MYO7B: variants seen among roughly 807,000 people sequenced by gnomAD.
The protein encoded by MYO7B is myosin VIIB.
In MYO7B, 212 loss-of-function variants were observed where a neutral mutation model predicts 259.7. The observed-to-expected ratio is 0.82, with a 90% CI of 0.73 to 0.91. The LOEUF (loss-of-function observed/expected upper bound fraction) is 0.91. Among genes scored for constraint, MYO7B ranks in the 40% least tolerant of loss-of-function variants. MYO7B has a pLI of 0.00. For synonymous variants in MYO7B, 1,197 were observed against 1,166.4 expected, an observed-to-expected ratio of 1.03 and a Z score of -0.54; for missense variants, 2,732 against 2,813.5, an observed-to-expected ratio of 0.97 and a Z score of 0.66.
At position 127,566,826 on chromosome 2, in the gene MYO7B, A is replaced by G; in HGVS notation, c.469A>G (p.Ser157Gly). 6.2e-7 allele frequency: 1 copy of G among 1,607,566 alleles called. No homozygotes were observed. The change falls in exon 5 of 48, where the codon AGC becomes GGC. Residue 157 changes from serine to glycine, a missense_variant and splice_region_variant. Around this residue, in one of 3 missense-constraint regions of MYO7B, gnomAD observed 1,906 missense variants for 2,026.4 expected, o/e 0.94. Transcript: ENST00000409816. The part of the protein sequence containing the change: ...RNKRDQCCII[S>G]GESGAGKTET... ...CAAGAGGGACCAGTGCTGCATCATCAGGTGAGGCAGAGGGGTCAGGCACCA... is the reference window on the plus strand; with the variant it reads ...CAAGAGGGACCAGTGCTGCATCATCGGGTGAGGCAGAGGGGTCAGGCACCA...
At position 127,628,197 on chromosome 2, in the gene MYO7B, C is replaced by T. The variant is rs752281108; in HGVS notation, c.4461-175C>T. On this transcript the variant is annotated intron_variant, in intron 33 of 47. Transcript: ENST00000409816. This position sits in a 1 kb window ranked among gnomAD's most constrained non-coding sequence, Gnocchi z 4.8. ...GCCTCCGAGAGGTCCTGTGCTCCGC[C>T]GTCCTTCATTTGTCCAGACCCACAG... The T allele has an allele frequency of 4.8e-5, 38 of 787,924 alleles. No individual in the cohort carries two copies. The highest frequency in any genetic ancestry group is 2.6e-4 in the South Asian group (18 of 68,498). The allele number at this position is 787,924 out of a possible 1,614,324, so 48.8% of individuals were successfully genotyped here.
intron 1 of MYO7B, among the ~76,000 whole-genome samples, chr2:127,554,223 T>C (rs1693554937): frequency 6.6e-6 from 1 of 152,088 alleles, no homozygotes; most frequent in Non-Finnish European, 1.5e-5. Flanking sequence ...TACAGGCGTG[T>C]GCCACCATGT....
chr2:127,636,031 C>T lies in MYO7B; in HGVS notation c.6006+124C>T. On this transcript the variant is annotated intron_variant, in intron 44 of 47. Transcript: ENST00000409816. This position sits in a 1 kb window ranked among gnomAD's most constrained non-coding sequence, Gnocchi z 4.5. ...GCACATGGGTGGTGTGGAGGGTGGG[C>T]TGGCTCTGCACACACCACGCCTTCC... 1 of 1,281,626 alleles carries T rather than the reference C, an allele frequency of 7.8e-7. No individual in the cohort carries two copies. Among genetic ancestry groups the T allele is most frequent in the Non-Finnish European group, 1.1e-6 (1 of 930,770 alleles). The allele number at this position is 1,281,626 out of a possible 1,614,324, so 79.4% of individuals were successfully genotyped here.
chr2:127,569,121 T>C (rs998648077), intron 5 of MYO7B, among the ~76,000 whole-genome samples: 3 of 142,972 alleles, frequency 2.1e-5, no homozygotes, highest in African/African-American at 8.1e-5. Flanking sequence ...GGCATGAGAA[T>C]CACTTGCACC....
chr2:127,603,109 C>T (rs533714621), intron 19 of MYO7B, among the ~76,000 whole-genome samples: 3 of 152,334 alleles, frequency 2.0e-5, no homozygotes, highest in Admixed American at 6.5e-5. Flanking sequence ...TTGCTATTCC[C>T]GCTACATATG....
intron 27 of MYO7B, among the ~76,000 whole-genome samples, chr2:127,621,460 C>T (rs139823420): frequency 2.0e-5 from 3 of 152,228 alleles, no homozygotes; most frequent in African/African-American, 7.2e-5. Flanking sequence ...GGGGTTTCAC[C>T]ATGTTGGCCA....
In MYO7B at chr2:127,539,682, T is replaced by TA. The variant is rs34553127; in HGVS notation, c.-24+3862dup. On this transcript the variant is annotated intron_variant, in intron 1 of 47. Transcript: ENST00000409816. The surrounding 1 kb of genome is among the most constrained non-coding windows in gnomAD (Gnocchi z 4.0). ...GGACTTCCTTGAGGGCTATTTCTTT[T>TA]AAAAAAAAAAACTCCATAGTTTTTA... Among the ~76,000 whole-genome samples, 663 of 148,562 alleles carry TA rather than the reference T, an allele frequency of 4.5e-3. 2 individuals are homozygous for TA. Among genetic ancestry groups the TA allele is most frequent in the Admixed American group, 8.0e-3 (120 of 14,928 alleles).
At chr2:127,551,688 C>T (rs779813102) in intron 1 of MYO7B, among the ~76,000 whole-genome samples, 5 of 152,308 alleles carry the variant, frequency 3.3e-5, no homozygotes, top group Admixed American at 6.5e-5. Flanking sequence ...TGGAAGGATT[C>T]GTGTGGGCTG....
At chr2:127,617,855 G>GT (rs34544960) in intron 26 of MYO7B, among the ~76,000 whole-genome samples, 1,420 of 139,858 alleles carry the variant, frequency 0.01, 37 homozygotes, top group African/African-American at 0.028. Context: ...CTGGGCTTTA[G>GT]TTTTTTTTTT....
rs1448166533 is a variant in MYO7B, at chr2:127,584,291, A to G, written c.1513A>G (p.Ser505Gly). The G allele has an allele frequency of 6.2e-7, 1 of 1,613,940 alleles. No individual in the cohort carries two copies. The highest frequency in any genetic ancestry group is 1.1e-5 in the South Asian group (1 of 91,082). ...GGACCTGCTGGCCCTCAAGCCCATG[A>G]GCATCATCTCCCTCCTGGACGAAGA... is the stretch of plus-strand genomic sequence containing the variant. ...TLDLLALKPMSIISLLDEESR... is the reference protein window; with the variant it reads ...TLDLLALKPMGIISLLDEESR... The change falls in exon 13 of 48, where the codon AGC becomes GGC. Residue 505 changes from serine to glycine, a missense_variant. By Grantham distance (56) the Ser-to-Gly change is moderately conservative (BLOSUM62 0). Around this residue, in one of 3 missense-constraint regions of MYO7B, gnomAD observed 1,906 missense variants for 2,026.4 expected, o/e 0.94. Transcript: ENST00000409816. This position sits in a 1 kb window ranked among gnomAD's most constrained non-coding sequence, Gnocchi z 5.8.
chr2:127,547,165 C>CA (rs1406221339), intron 1 of MYO7B, among the ~76,000 whole-genome samples: 2 of 152,304 alleles, frequency 1.3e-5, no homozygotes, highest in Non-Finnish European at 2.9e-5. Flanking sequence ...CTCATCCATC[C>CA]ACTCATCCCA....
In MYO7B at chr2:127,588,180, G is replaced by A. The variant is rs112975805; in HGVS notation, c.1691-212G>A. ...TGGAGTGGGAATGGGAATTAGGGGG[G>A]GTCCAGAGTTTAGACAGGAGAAGTG... is the stretch of plus-strand genomic sequence containing the variant. On this transcript the variant is annotated intron_variant, in intron 14 of 47. Transcript: ENST00000409816. Among the ~76,000 whole-genome samples the A allele has an allele frequency of 1.2e-3, 189 of 152,178 alleles. 1 individual carries two copies. Among genetic ancestry groups the A allele is most frequent in the Middle Eastern group, 3.4e-3 (1 of 294 alleles).
chr2:127,612,309 C>T lies in MYO7B; in HGVS notation c.3252C>T (p.Ser1084=), dbSNP rs1436547480. ...TCTCCTCCATGAAGCTGAAGCGGTC[C>T]TCCCGGATCACAGGCCAGGTGAGCC... ...KDISSMKLKR[S]SRITGQVASQ... is the part of the protein sequence containing the mutation. The change falls in exon 25 of 48, where the codon TCC becomes TCT. Residue 1084 remains serine (S), a synonymous_variant. Coordinates refer to ENST00000409816, the MANE Select transcript of MYO7B (RefSeq NM_001393586.1). 1.1e-6 allele frequency: 1 copy of T among 929,138 alleles called. No individual in the cohort carries two copies. The highest frequency in any genetic ancestry group is 1.6e-5 in the African/African-American group (1 of 61,414). 57.6% of individuals were successfully genotyped at this position (929,138 alleles called of 1,614,324 possible). A position where few individuals can be genotyped will look rare whatever the true frequency, so the allele number is the denominator to read the frequency against.
At chr2:127,575,494 A>G (rs1230198464) in intron 7 of MYO7B, among the ~76,000 whole-genome samples, 3 of 152,182 alleles carry the variant, frequency 2.0e-5, no homozygotes, top group Non-Finnish European at 2.9e-5. Context: ...GTCCATGTCA[A>G]TGTAAAGGAT....
chr2:127,566,951 C>A, intron 5 of MYO7B, 124 bp downstream of exon 5: 1 of 1,015,094 alleles, frequency 9.9e-7, no homozygotes. Flanking sequence ...ATCTCCACAG[C>A]ACACAACGGC....
chr2:127,568,858 A>T (rs542894149), intron 5 of MYO7B, among the ~76,000 whole-genome samples: 7 of 151,164 alleles, frequency 4.6e-5, no homozygotes, highest in Non-Finnish European at 1.0e-4. Flanking sequence ...AGATCGTGCC[A>T]TTGCACTCCA....
intron 27 of MYO7B, among the ~76,000 whole-genome samples, chr2:127,620,674 C>T (rs1486353361): frequency 6.6e-6 from 1 of 152,220 alleles, no homozygotes; most frequent in Admixed American, 6.5e-5. Flanking sequence ...TCCTTCCAGC[C>T]CCTACGCAGG....
intron 2 of MYO7B, among the ~76,000 whole-genome samples, chr2:127,560,020 CTTTTCTTTTCT>C (rs1244346510): frequency 1.3e-4 from 17 of 131,984 alleles, no homozygotes; most frequent in South Asian, 2.3e-4. Context: ...CTTTTCTTTT[CTTTTCTTTTCT>C]TTTTTTTTTT....
At chr2:127,622,960 G>A (rs373821357) in intron 28 of MYO7B, among the ~76,000 whole-genome samples, 16 of 152,306 alleles carry the variant, frequency 1.1e-4, no homozygotes, top group African/African-American at 1.7e-4. Context: ...GGACCTGGAC[G>A]CCTGTGGCTA....
Sources: gnomAD v4.1 joint callset for allele counts (sites outside exome capture counted in the v4.1 genomes callset) on GRCh38, gnomAD v4.1.1 for gene constraint, gnomAD v4.1.1 regional missense constraint, Gnocchi (gnomAD v3.1) non-coding constraint, MANE v1.5 for transcripts, NCBI Gene and HGNC (gene_info 2026-07-23, HGNC 2026-07-21) for gene names.